The following SEL1L2 variants were observed in gnomAD, a reference collection of about 807,000 sequenced individuals.
SEL1L2 encodes the protein protein sel-1 homolog 2.
A neutral mutation model predicts 98.8 loss-of-function variants in SEL1L2; 89 were observed. The ratio of observed to expected loss-of-function variants is 0.90; its 90% confidence interval spans 0.76 to 1.07. The LOEUF is 1.07. Ranked by LOEUF, SEL1L2 falls within the 50% of genes least tolerant of loss-of-function variation. The pLI, the probability that SEL1L2 is intolerant of heterozygous loss-of-function variation, is 0.00. For synonymous variants in SEL1L2, 262 were observed against 278.5 expected (o/e 0.94, Z 0.59); for missense variants, 788 against 812.0 (o/e 0.97, Z 0.36).
At position 13,868,923 on chromosome 20, in the gene SEL1L2, T is replaced by C. The variant is rs114450052; in HGVS notation, c.1255+580A>G. On this transcript the variant is annotated intron_variant, in intron 14 of 19. Transcript: ENST00000284951. Reference sequence around the variant, plus strand: ...TCTTACTTGTTTTTTAAACCAGGTTTCTCACTGCATTTCACAGGGGTGCCC... The same window carrying C: ...TCTTACTTGTTTTTTAAACCAGGTTCCTCACTGCATTTCACAGGGGTGCCC... Among the ~76,000 whole-genome samples, 253 of 152,200 alleles carry C rather than the reference T, an allele frequency of 1.7e-3. 1 individual carries two copies. Among genetic ancestry groups the C allele is most frequent in the African/African-American group, 5.6e-3 (231 of 41,530 alleles).
chr20:13,869,801 T>C (rs1014447228), intron 13 of SEL1L2, among the ~76,000 whole-genome samples: 1 of 152,184 alleles, frequency 6.6e-6, no homozygotes, highest in African/African-American at 2.4e-5. Context: ...TGTCTTTTTC[T>C]ACATTGACAG....
intron 2 of SEL1L2, among the ~76,000 whole-genome samples, chr20:13,944,017 T>A (rs955021391): frequency 6.6e-6 from 1 of 152,064 alleles, no homozygotes; most frequent in Admixed American, 6.6e-5. Flanking sequence ...CATCCAGAAA[T>A]GGCAGCTCGG....
chr20:13,991,691 C>T (rs554082514), upstream of SEL1L2, among the ~76,000 whole-genome samples: 6 of 152,198 alleles, frequency 3.9e-5, no homozygotes, highest in Non-Finnish European at 8.8e-5. Context: ...ATCTCTCTCT[C>T]TCTCAAGATC....
At chr20:13,851,934 T>C (rs1171508643) in intron 18 of SEL1L2, among the ~76,000 whole-genome samples, 2 of 152,192 alleles carry the variant, frequency 1.3e-5, no homozygotes, top group Non-Finnish European at 2.9e-5. Flanking sequence ...AGCTTTATGG[T>C]CTGGTAAATT....
At chr20:13,925,438 T>C (rs2148273762) in intron 3 of SEL1L2, among the ~76,000 whole-genome samples, 1 of 152,364 alleles carries the variant, frequency 6.6e-6, no homozygotes, top group South Asian at 2.1e-4. Context: ...GAGAGGTTTT[T>C]CCCTGTGAGA....
At chr20:13,928,261 C>T (rs959072010) in intron 3 of SEL1L2, 1 of 152,220 alleles carries the variant, frequency 6.6e-6, no homozygotes, top group East Asian at 1.9e-4. Flanking sequence ...CTCCCTAGTT[C>T]TGTAGGGCAA....
intron 5 of SEL1L2, among the ~76,000 whole-genome samples, chr20:13,906,442 T>A (rs2047933134): frequency 6.6e-6 from 1 of 152,188 alleles, no homozygotes; most frequent in African/African-American, 2.4e-5. Flanking sequence ...CCTGTGATCA[T>A]TACTTTTAGC....
At chr20:13,970,394 A>G (rs1185353626) in intron 1 of SEL1L2, among the ~76,000 whole-genome samples, 1 of 152,236 alleles carries the variant, frequency 6.6e-6, no homozygotes, top group Non-Finnish European at 1.5e-5. Flanking sequence ...AAACATGTAT[A>G]AGGGTTTGTT....
At chr20:13,975,851 T>A (rs2051506882) in intron 1 of SEL1L2, among the ~76,000 whole-genome samples, 1 of 152,080 alleles carries the variant, frequency 6.6e-6, no homozygotes, top group Non-Finnish European at 1.5e-5. Flanking sequence ...AACTTTTGTT[T>A]TGTTTTGTTT....
At chr20:13,915,325 A>C (rs2048358008) in intron 4 of SEL1L2, 1 of 1,080,150 alleles carries the variant, frequency 9.3e-7, no homozygotes, top group South Asian at 1.4e-5. Flanking sequence ...GAAAGAAATT[A>C]ACCCAGGTCA....
chr20:13,883,624 GGCT>G (rs1243513579), intron 10 of SEL1L2, among the ~76,000 whole-genome samples: 4 of 152,346 alleles, frequency 2.6e-5, no homozygotes, highest in South Asian at 2.1e-4. Context: ...TCAGCTGCCT[GGCT>G]GCTACACAAC....
chr20:13,956,317 T>C (rs2050541793), intron 1 of SEL1L2, among the ~76,000 whole-genome samples, 186 bp from the exon 2 acceptor site: 1 of 152,162 alleles, frequency 6.6e-6, no homozygotes, highest in African/African-American at 2.4e-5. Flanking sequence ...TGATAATTTG[T>C]AAAGCTAGAA....
intron 10 of SEL1L2, among the ~76,000 whole-genome samples, chr20:13,882,199 C>A (rs2046735592): frequency 6.6e-6 from 1 of 152,212 alleles, no homozygotes; most frequent in Admixed American, 6.5e-5. Flanking sequence ...ATGAAAAGAG[C>A]TGCAGTAATA....
chr20:13,938,791 G>A (rs2049584348), intron 2 of SEL1L2, among the ~76,000 whole-genome samples: 1 of 152,062 alleles, frequency 6.6e-6, no homozygotes, highest in Non-Finnish European at 1.5e-5. Flanking sequence ...TACATGTGAA[G>A]AGCTTTGGAC....
rs1206618278 is a variant in SEL1L2 at position 13,870,502 on chromosome 20, T to C, written c.1105-299A>G. On this transcript the variant is annotated intron_variant, in intron 12 of 19. Coordinates refer to ENST00000284951, the MANE Select transcript of SEL1L2 (RefSeq NM_025229.2). ...CTGGGCAGAGGTAGCAGGTGAAAGGTAAAAGATGAAGAAGCCATGATCCCT... is the reference window on the plus strand; with the variant it reads ...CTGGGCAGAGGTAGCAGGTGAAAGGCAAAAGATGAAGAAGCCATGATCCCT... Among the ~76,000 whole-genome samples the C allele has an allele frequency of 3.9e-5, 6 of 152,220 alleles. No individual in the cohort carries two copies. The South Asian group carries it at 8.3e-4, about 21-fold the overall frequency.
At position 13,917,786 on chromosome 20, in the gene SEL1L2, C is replaced by CTTTTTTTTTTTTT. The variant is rs5840588; in HGVS notation, c.386+1222_386+1234dup. On this transcript the variant is annotated intron_variant, in intron 4 of 19. Transcript: ENST00000284951. Reference sequence around the variant, plus strand: ...CCATACTTTCTTTATTTCTTTCTTTCTTTTTTTTTTTTTTTTTTTTTTTTT... The same window carrying CTTTTTTTTTTTTT: ...CCATACTTTCTTTATTTCTTTCTTTCTTTTTTTTTTTTTTTTTTTTTTTTTTTTTTTTTTTTTT... Among the ~76,000 whole-genome samples the CTTTTTTTTTTTTT allele has an allele frequency of 9.8e-4, 49 of 50,094 alleles. 1 individual carries two copies. The highest frequency in any genetic ancestry group is 1.5e-3 in the African/African-American group (17 of 11,020). The allele number at this position is 50,094 out of a possible 152,430, so 32.9% of individuals were successfully genotyped here. A position where few individuals can be genotyped will look rare whatever the true frequency, so the allele number is the denominator to read the frequency against.
intron 5 of SEL1L2, among the ~76,000 whole-genome samples, chr20:13,892,053 A>C (rs972128896): frequency 6.6e-6 from 1 of 152,328 alleles, no homozygotes; most frequent in Middle Eastern, 3.4e-3. Flanking sequence ...TAGTAAAAAG[A>C]TGTAATTTGT....
chr20:13,901,059 T>TTC (rs2047649638), intron 5 of SEL1L2, among the ~76,000 whole-genome samples: 1 of 143,660 alleles, frequency 7.0e-6, no homozygotes, highest in South Asian at 2.1e-4. Context: ...TTCTTTTTCT[T>TTC]TTTCTTTCTT....
intron 2 of SEL1L2, among the ~76,000 whole-genome samples, chr20:13,949,703 A>C (rs1051373820): frequency 2.9e-5 from 4 of 137,766 alleles, no homozygotes; most frequent in South Asian, 2.3e-4. Flanking sequence ...AAAACCAAAC[A>C]AACAAAAAAG....
Sources: gnomAD v4.1 joint callset for allele counts (sites outside exome capture counted in the v4.1 genomes callset) on GRCh38, gnomAD v4.1.1 for gene constraint, MANE v1.5 for transcripts, NCBI Gene and HGNC (gene_info 2026-07-23, HGNC 2026-07-21) for gene names.